The following COBL variants were observed in gnomAD, a reference collection of about 807,000 sequenced individuals.
The protein encoded by COBL is protein cordon-bleu.
In COBL, 51 loss-of-function variants were observed where a neutral mutation model predicts 98.8. The ratio of observed to expected loss-of-function variants is 0.52; its 90% CI spans 0.41 to 0.65. COBL has a LOEUF of 0.65. Among genes scored for constraint, COBL ranks in the 30% least tolerant of loss-of-function variants. COBL has a pLI of 0.00. For missense variants in COBL, 1,617 were observed against 1,617.5 expected (o/e 1.00, Z 0.01); for synonymous variants, 634 against 651.7 (o/e 0.97, Z 0.41).
At chr7:51,079,632 G>C (rs1470330244) in intron 7 of COBL, among the ~76,000 whole-genome samples, 1 of 152,228 alleles carries the variant, frequency 6.6e-6, no homozygotes, top group Non-Finnish European at 1.5e-5. Context: ...CCACTGGAGG[G>C]AGTGAGAGGC....
rs751455792 is a variant in COBL, at chr7:51,029,030, T to C, written c.2066A>G (p.His689Arg). ...TTTCCCTGGGTTTTGGCCTCGTTGG[T>C]GCCATGATGTTGGTGCCAAGGCAGC... ...KNAALAPTSW[H>R]QRGQNPGKSY... The change falls in exon 10 of 13, where the codon CAC becomes CGC. Residue 689 changes from histidine to arginine, a missense_variant. His to Arg is a conservative substitution (Grantham distance 29). Coordinates refer to ENST00000265136, the MANE Select transcript of COBL (RefSeq NM_015198.5). 2 of 1,614,204 alleles carry C rather than the reference T, an allele frequency of 1.2e-6. No homozygotes were observed. Among genetic ancestry groups the C allele is most frequent in the Non-Finnish European group, 1.7e-6 (2 of 1,180,032 alleles).
intron 7 of COBL, among the ~76,000 whole-genome samples, chr7:51,079,448 T>C (rs1240187883): frequency 6.6e-6 from 1 of 152,252 alleles, no homozygotes; most frequent in Non-Finnish European, 1.5e-5. Flanking sequence ...CTTTATTAAA[T>C]TTATGCTATG....
At chr7:51,272,598 C>T (rs2129165937) in intron 1 of COBL, among the ~76,000 whole-genome samples, 1 of 152,262 alleles carries the variant, frequency 6.6e-6, no homozygotes, top group African/African-American at 2.4e-5. Flanking sequence ...AGGAAAGAGA[C>T]TAATCCATGG....
chr7:51,225,039 T>C (rs896438296), intron 1 of COBL, among the ~76,000 whole-genome samples: 1 of 152,152 alleles, frequency 6.6e-6, no homozygotes, highest in African/African-American at 2.4e-5. Flanking sequence ...TGCACGTGGA[T>C]GGCCTGCACA....
intron 5 of COBL, among the ~76,000 whole-genome samples, chr7:51,145,480 A>G (rs554777607): frequency 5.3e-4 from 79 of 149,686 alleles, no homozygotes; most frequent in African/African-American, 1.3e-3. Context: ...TCCCGGGTTC[A>G]AGCTTCTCCT....
At chr7:51,105,681 T>C (rs1017101259) in intron 6 of COBL, among the ~76,000 whole-genome samples, 4 of 151,068 alleles carry the variant, frequency 2.6e-5, no homozygotes, top group Admixed American at 6.6e-5. Context: ...AGCCCAGTAG[T>C]TCGAGGCTGC....
intron 1 of COBL, among the ~76,000 whole-genome samples, chr7:51,289,084 C>A (rs1227085181): frequency 6.6e-6 from 1 of 152,140 alleles, no homozygotes; most frequent in African/African-American, 2.4e-5. Context: ...GCATCTCCTC[C>A]CAGCATGCCC....
chr7:51,127,130 G>A (rs548643060), intron 6 of COBL, among the ~76,000 whole-genome samples: 2 of 152,240 alleles, frequency 1.3e-5, no homozygotes, highest in Non-Finnish European at 2.9e-5. Context: ...TCTCAACCTC[G>A]TCGCTTGTGG....
At chr7:51,052,927 A>C (rs1790376389) in intron 7 of COBL, among the ~76,000 whole-genome samples, 1 of 152,208 alleles carries the variant, frequency 6.6e-6, no homozygotes. Flanking sequence ...AAAAATGACC[A>C]AATTATTAAA....
At chr7:51,204,981 C>T (rs1791532750) in intron 2 of COBL, among the ~76,000 whole-genome samples, 1 of 152,130 alleles carries the variant, frequency 6.6e-6, no homozygotes, top group African/African-American at 2.4e-5. Flanking sequence ...GTACACTGAA[C>T]ATTATAATAC....
At chr7:51,132,418 G>A (rs1314478952) in intron 6 of COBL, among the ~76,000 whole-genome samples, 1 of 152,356 alleles carries the variant, frequency 6.6e-6, no homozygotes, top group East Asian at 1.9e-4. Flanking sequence ...TCACTGGCTA[G>A]TGCTGTTCTT....
At chr7:51,261,561 G>A (rs1019236652) in intron 1 of COBL, among the ~76,000 whole-genome samples, 1 of 152,242 alleles carries the variant, frequency 6.6e-6, no homozygotes. Context: ...GACATGTTTG[G>A]TGGAGAGCTG....
intron 2 of COBL, among the ~76,000 whole-genome samples, chr7:51,205,417 G>A (rs6942781): frequency 0.014 from 2,129 of 152,020 alleles, 49 homozygotes; most frequent in African/African-American, 0.049. Flanking sequence ...AATGGGGAAA[G>A]TACCATCTCT....
At chr7:51,128,831 G>C (rs1363850810) in intron 6 of COBL, among the ~76,000 whole-genome samples, 1 of 152,214 alleles carries the variant, frequency 6.6e-6, no homozygotes, top group Non-Finnish European at 1.5e-5. Flanking sequence ...AGCAGCAGCA[G>C]CTCTGGTCTG....
chr7:51,055,940 G>A (rs1309314449), intron 7 of COBL, among the ~76,000 whole-genome samples: 3 of 152,210 alleles, frequency 2.0e-5, no homozygotes, highest in African/African-American at 4.8e-5. Context: ...AAAGGCAGGA[G>A]TATTTGCCTT....
intron 6 of COBL, among the ~76,000 whole-genome samples, chr7:51,091,651 T>C (rs116301851): frequency 0.024 from 3,641 of 151,906 alleles, 144 homozygotes; most frequent in African/African-American, 0.083. Flanking sequence ...AGGAAGGAAA[T>C]AGACATACAA....
intron 2 of COBL, among the ~76,000 whole-genome samples, chr7:51,208,841 G>C (rs980641395): frequency 1.3e-5 from 2 of 151,988 alleles, no homozygotes; most frequent in South Asian, 2.1e-4. Flanking sequence ...GATGTGCTTT[G>C]TTAAACAGAT....
At chr7:51,145,603 T>C (rs559438384) in intron 5 of COBL, among the ~76,000 whole-genome samples, 1 of 152,078 alleles carries the variant, frequency 6.6e-6, no homozygotes, top group South Asian at 2.1e-4. Context: ...GGTGTCAAAC[T>C]CCTGACCTCA....
chr7:51,286,497 C>T (rs1312815685), intron 1 of COBL, among the ~76,000 whole-genome samples: 1 of 151,068 alleles, frequency 6.6e-6, no homozygotes, highest in Non-Finnish European at 1.5e-5. Flanking sequence ...AGCCAAGAAA[C>T]ATATGAAAAA....
Sources: allele counts gnomAD v4.1 joint callset (sites outside exome capture counted in the v4.1 genomes callset), GRCh38; gene constraint gnomAD v4.1.1; transcripts MANE v1.5; gene names NCBI Gene and HGNC (gene_info 2026-07-23, HGNC 2026-07-21).